PTPRD: variants seen among roughly 807,000 people sequenced by gnomAD.
PTPRD encodes the protein protein tyrosine phosphatase receptor type D, also known as receptor-type tyrosine-protein phosphatase delta.
A neutral mutation model predicts 214.5 loss-of-function variants in PTPRD; 34 were observed. That is an observed-to-expected ratio of 0.16 (90% CI 0.12 to 0.21). The LOEUF is 0.21. PTPRD is among the 10% of genes least tolerant of loss of function. The pLI is 1.00. For synonymous variants in PTPRD, 1,128 were observed against 845.7 expected, an observed-to-expected ratio of 1.33 and a Z score of -5.79; for missense variants, 2,545 against 2,398.7, an observed-to-expected ratio of 1.06 and a Z score of -1.27.
At chr9:8,785,355 G>A (rs1454430425) in intron 11 of PTPRD, among the ~76,000 whole-genome samples, 1 of 152,154 alleles carries the variant, frequency 6.6e-6, no homozygotes, top group East Asian at 1.9e-4. Context: ...CTGGAGTAGG[G>A]GACTTGTATT....
intron 10 of PTPRD, among the ~76,000 whole-genome samples, chr9:9,183,094 T>C (rs2099929197): frequency 6.6e-6 from 1 of 152,076 alleles, no homozygotes; most frequent in Non-Finnish European, 1.5e-5. Flanking sequence ...TTGACAGATT[T>C]CTTAGTTATT....
At position 8,500,736 on chromosome 9, in the gene PTPRD, G is replaced by A. The variant is rs774806301; in HGVS notation, c.2128+18C>T. 1.1e-5 allele frequency: 17 copies of A among 1,612,182 alleles called. No individual in the cohort carries two copies. The highest frequency in any genetic ancestry group is 3.3e-4 in the Middle Eastern group (2 of 5,976). On this transcript the variant is annotated intron_variant, in intron 24 of 45. Coordinates refer to ENST00000381196, the MANE Select transcript of PTPRD (RefSeq NM_002839.4). ...CTGTGTCAGAAGGGTGCAAACTGAC[G>A]TAGCGGAGGCAACATACCATCTTCA... is the stretch of plus-strand genomic sequence containing the variant.
At chr9:9,247,501 G>C (rs1241877459) in intron 9 of PTPRD, among the ~76,000 whole-genome samples, 3 of 151,960 alleles carry the variant, frequency 2.0e-5, no homozygotes, top group Non-Finnish European at 2.9e-5. Flanking sequence ...TGTTGGCCTT[G>C]ACCCTTATGA....
chr9:8,445,692 G>GA lies in PTPRD; in HGVS notation c.3988+4032dup, dbSNP rs1410438948. On this transcript the variant is annotated intron_variant, in intron 34 of 45. Transcript: ENST00000381196. ...CTAGAAAAACTACCATTTAGGGGGA[G>GA]AAAAAAAATTTATTCAACAATTCCA... Among the ~76,000 whole-genome samples the GA allele has an allele frequency of 2.0e-5, 3 of 151,890 alleles. No homozygotes were observed. In the South Asian group the frequency reaches 6.2e-4, roughly 31 times the overall value.
intron 11 of PTPRD, among the ~76,000 whole-genome samples, chr9:8,820,280 C>T (rs2097024242): frequency 6.6e-6 from 1 of 152,074 alleles, no homozygotes; most frequent in Non-Finnish European, 1.5e-5. Flanking sequence ...AATGAAAGGT[C>T]ACTCAGCTAG....
intron 33 of PTPRD, among the ~76,000 whole-genome samples, chr9:8,458,981 T>G (rs10977126): frequency 0.036 from 5,441 of 152,216 alleles, 341 homozygotes; most frequent in African/African-American, 0.12. Context: ...CTTTCATTTG[T>G]CCTTTATTTT....
At chr9:9,329,663 T>C (rs1042887543) in intron 9 of PTPRD, among the ~76,000 whole-genome samples, 3 of 152,170 alleles carry the variant, frequency 2.0e-5, no homozygotes, top group African/African-American at 7.2e-5. Context: ...TATAGAAGAA[T>C]TACATGGATC....
At chr9:9,706,711 A>C (rs1251628734) in intron 7 of PTPRD, among the ~76,000 whole-genome samples, 3 of 152,104 alleles carry the variant, frequency 2.0e-5, no homozygotes, top group African/African-American at 7.2e-5. Flanking sequence ...AAGTGCTAGC[A>C]TTGCAGGCAT....
In PTPRD at chr9:10,164,577, G is replaced by A. The variant is rs1160958588; in HGVS notation, c.-544-130787C>T. Among the ~76,000 whole-genome samples, 4 of 151,602 alleles carry A rather than the reference G, an allele frequency of 2.6e-5. No individual in the cohort carries two copies. In the East Asian group the frequency reaches 7.7e-4, roughly 29 times the overall value. ...ACAGTTTTGAGGATGTTCATATGGT[G>A]TGACTAAAATACAAAAGAAAATTAT... is the stretch of plus-strand genomic sequence containing the variant. On this transcript the variant is annotated intron_variant, in intron 3 of 45. Coordinates refer to ENST00000381196, the MANE Select transcript of PTPRD (RefSeq NM_002839.4).
intron 5 of PTPRD, among the ~76,000 whole-genome samples, chr9:9,869,589 A>G (rs1229874170): frequency 6.6e-6 from 1 of 152,114 alleles, no homozygotes; most frequent in Non-Finnish European, 1.5e-5. Context: ...AATGCCACCA[A>G]TGAAGTATTC....
chr9:9,120,538 C>T (rs1176043491), intron 10 of PTPRD, among the ~76,000 whole-genome samples: 1 of 152,150 alleles, frequency 6.6e-6, no homozygotes, highest in Non-Finnish European at 1.5e-5. Context: ...TAAAAGCTAC[C>T]TCTTTAGATT....
chr9:8,765,617 C>A (rs188526047), intron 11 of PTPRD, among the ~76,000 whole-genome samples: 1 of 152,334 alleles, frequency 6.6e-6, no homozygotes, highest in East Asian at 1.9e-4. Flanking sequence ...TGACTGCAAC[C>A]TCGTAACAGA....
chr9:8,816,305 C>T lies in PTPRD; in HGVS notation c.-103-82359G>A, dbSNP rs16928477. On this transcript the variant is annotated intron_variant, in intron 11 of 45. Coordinates refer to ENST00000381196, the MANE Select transcript of PTPRD (RefSeq NM_002839.4). ...GTGTATTTTAAGATATAAAGGTCTG[C>T]GAGAGGCTCCTATTATCACTGTATA... Among the ~76,000 whole-genome samples the T allele has an allele frequency of 9.6e-3, 1,459 of 152,262 alleles. 25 individuals carry two copies. The highest frequency in any genetic ancestry group is 0.033 in the African/African-American group (1,388 of 41,546).
intron 35 of PTPRD, among the ~76,000 whole-genome samples, chr9:8,433,454 C>T (rs2095190253): frequency 6.6e-6 from 1 of 152,056 alleles, no homozygotes; most frequent in Admixed American, 6.6e-5. Context: ...CAAGAGTTAT[C>T]CAGAAGAAGG....
At chr9:8,764,743 C>T (rs1184502324) in intron 11 of PTPRD, among the ~76,000 whole-genome samples, 1 of 151,218 alleles carries the variant, frequency 6.6e-6, no homozygotes, top group South Asian at 2.1e-4. Context: ...TGCAGTGAGC[C>T]GAGATTGCCC....
intron 39 of PTPRD, among the ~76,000 whole-genome samples, chr9:8,344,355 C>A (rs1297728338): frequency 6.6e-6 from 1 of 151,908 alleles, no homozygotes; most frequent in East Asian, 1.9e-4. Context: ...CTGGATGATG[C>A]ATGGTTCTAT....
chr9:10,026,675 C>T (rs1272836109), intron 4 of PTPRD, among the ~76,000 whole-genome samples: 1 of 152,054 alleles, frequency 6.6e-6, no homozygotes, highest in Non-Finnish European at 1.5e-5. Flanking sequence ...TTGTAAACAG[C>T]AAAATCTGAA....
intron 3 of PTPRD, among the ~76,000 whole-genome samples, chr9:10,189,669 G>C (rs2099353856): frequency 6.6e-6 from 1 of 151,958 alleles, no homozygotes; most frequent in African/African-American, 2.4e-5. Context: ...AATGAAGAAA[G>C]GCAAGCAAAG....
chr9:9,733,453 T>A (rs535631580), intron 7 of PTPRD, among the ~76,000 whole-genome samples: 1 of 152,302 alleles, frequency 6.6e-6, no homozygotes, highest in Admixed American at 6.5e-5. Context: ...CAGTTTACTA[T>A]CAAATGTGGT....
Sources: gnomAD v4.1 joint callset for allele counts (sites outside exome capture counted in the v4.1 genomes callset) on GRCh38, gnomAD v4.1.1 for gene constraint, MANE v1.5 for transcripts, NCBI Gene and HGNC (gene_info 2026-07-23, HGNC 2026-07-21) for gene names.